Variants in ANKMY1 observed in about 807,000 individuals in gnomAD.
ANKMY1 encodes ankyrin repeat and MYND domain containing 1.
Under a neutral mutation model 102.0 loss-of-function variants are expected in ANKMY1, and 98 were observed. That is an observed-to-expected ratio of 0.96 (90% CI 0.82 to 1.14). The LOEUF (loss-of-function observed/expected upper bound fraction) is 1.14. Ranked by LOEUF, ANKMY1 falls within the 50% of genes most tolerant of loss-of-function variation. ANKMY1 has a pLI of 0.00. For missense variants in ANKMY1, 1,330 were observed against 1,347.6 expected, an observed-to-expected ratio of 0.99 and a Z score of 0.20; for synonymous variants, 582 against 559.9, an observed-to-expected ratio of 1.04 and a Z score of -0.56.
At chr2:240,548,052 C>T (rs914059662) in intron 4 of ANKMY1, among the ~76,000 whole-genome samples, 11 of 152,154 alleles carry the variant, frequency 7.2e-5, no homozygotes, top group Non-Finnish European at 8.8e-5. Flanking sequence ...CGGGCAGAGA[C>T]ACAACCAAAA....
intron 7 of ANKMY1, among the ~76,000 whole-genome samples, chr2:240,525,162 C>T (rs1247756767): frequency 6.6e-6 from 1 of 152,236 alleles, no homozygotes; most frequent in Non-Finnish European, 1.5e-5. Flanking sequence ...GCTACATAAA[C>T]TCCCAGTGTT....
chr2:240,483,668 C>A (rs115751056), intron 15 of ANKMY1, among the ~76,000 whole-genome samples: 118 of 152,324 alleles, frequency 7.7e-4, no homozygotes, highest in African/African-American at 2.8e-3. Flanking sequence ...CTTTACTCTT[C>A]CGCATCAAGT....
In ANKMY1 at chr2:240,520,236, C is replaced by G. The variant is rs1265876595; in HGVS notation, c.2004+126G>C. 1 of 1,404,386 alleles carries G rather than the reference C, an allele frequency of 7.1e-7. No homozygotes were observed. Among genetic ancestry groups the G allele is most frequent in the Non-Finnish European group, 9.8e-7 (1 of 1,019,532 alleles). The allele number at this position is 1,404,386 out of a possible 1,614,324, so 87.0% of individuals were successfully genotyped here. A position where few individuals can be genotyped will look rare whatever the true frequency, so the allele number is the denominator to read the frequency against. On this transcript the variant is annotated intron_variant, in intron 9 of 17. Transcript: ENST00000401804. This position sits in a 1 kb window ranked among gnomAD's most constrained non-coding sequence, Gnocchi z 4.8. ...CACTGCGGCGCGCCGTCATCACTCACAGCCCAGGTGGTCGCCTGCAAGAGC... is the reference window on the plus strand; with the variant it reads ...CACTGCGGCGCGCCGTCATCACTCAGAGCCCAGGTGGTCGCCTGCAAGAGC...
the ANKMY1 span, among the ~76,000 whole-genome samples, chr2:240,473,002 G>A: frequency 1.5e-5 from 1 of 66,748 alleles, no homozygotes; most frequent in Non-Finnish European, 2.9e-5. Context: ...GTGCATGCTT[G>A]TAATCCCACT....
chr2:240,561,031 C>T (rs1444108607), upstream of ANKMY1: 5 of 1,533,782 alleles, frequency 3.3e-6, no homozygotes, highest in Non-Finnish European at 4.3e-6. Flanking sequence ...GTCTGCACCG[C>T]GTACCTCATG....
chr2:240,500,037 G>A lies in ANKMY1; in HGVS notation c.2727C>T (p.Tyr909=). 1 of 1,613,050 alleles carries A rather than the reference G, an allele frequency of 6.2e-7. No homozygotes were observed. The change falls in exon 15 of 18, where the codon TAC becomes TAT. Residue 909 remains tyrosine, a synonymous_variant. Coordinates refer to ENST00000401804, the MANE Select transcript of ANKMY1 (RefSeq NM_001282771.3). ...CAGCCTGCCGTAGCTGCAAGCCCATGTACTCCAGGAGCCGCTTCCGCGCCA... is the reference window on the plus strand; with the variant it reads ...CAGCCTGCCGTAGCTGCAAGCCCATATACTCCAGGAGCCGCTTCCGCGCCA... The part of the protein sequence containing the change: ...TFLARKRLLE[Y]MGLQLRQAVF...
chr2:240,525,363 A>G (rs1461394345), intron 7 of ANKMY1, among the ~76,000 whole-genome samples: 1 of 152,222 alleles, frequency 6.6e-6, no homozygotes, highest in East Asian at 1.9e-4. Context: ...AGGCATGCAG[A>G]TTCTCAGCCC....
Position 240,529,243 on chromosome 2 carries a change from C to G in ANKMY1, c.747G>C (p.Leu249=). 1 of 1,614,200 alleles carries G rather than the reference C, an allele frequency of 6.2e-7. No homozygotes were observed. The highest frequency in any genetic ancestry group is 1.1e-5 in the South Asian group (1 of 91,086). The change falls in exon 5 of 18, where the codon CTG becomes CTC. Residue 249 remains leucine (L), a synonymous_variant. Transcript: ENST00000401804. This position sits in a 1 kb window ranked among gnomAD's most constrained non-coding sequence, Gnocchi z 4.2. ...PFFYDYKRFL[L]NDNLTLPPEM... ...CTGGAGGCAGCGTTAGGTTGTCATT[C>G]AGAAGAAACCGCTTATAGTCATAGA...
chr2:240,507,076 C>T lies in ANKMY1; in HGVS notation c.2526+484G>A, dbSNP rs140519520. Among the ~76,000 whole-genome samples, 406 of 152,096 alleles carry T rather than the reference C, an allele frequency of 2.7e-3. 1 individual carries two copies. The highest frequency in any genetic ancestry group is 4.4e-3 in the Non-Finnish European group (300 of 67,984). On this transcript the variant is annotated intron_variant, in intron 13 of 17. Coordinates refer to ENST00000401804, the MANE Select transcript of ANKMY1 (RefSeq NM_001282771.3). The stretch of plus-strand genomic sequence containing the variant: ...TGTCTATCCTGAATCTTGTTTTCAC[C>T]GAGACAAATTTCAGGGAACTTTTTT...
At chr2:240,501,772 G>A (rs776987638) in intron 13 of ANKMY1, among the ~76,000 whole-genome samples, 1 of 152,220 alleles carries the variant, frequency 6.6e-6, no homozygotes, top group Non-Finnish European at 1.5e-5. Flanking sequence ...TGGCCTGAAC[G>A]GCTGACTCCC....
chr2:240,500,674 G>A (rs1312364364), intron 13 of ANKMY1, 109 bp from the exon 14 acceptor site: 9 of 880,702 alleles, frequency 1.0e-5, no homozygotes, highest in East Asian at 2.6e-5. Flanking sequence ...CACCAAGGCC[G>A]CCCTTGCAGT....
intron 5 of ANKMY1, among the ~76,000 whole-genome samples, chr2:240,528,692 C>A (rs1019843707): frequency 2.0e-5 from 3 of 151,904 alleles, no homozygotes; most frequent in African/African-American, 7.3e-5. Context: ...CAGCCACATC[C>A]CCCCACCAGG....
At chr2:240,546,064 T>A (rs2090294763) in intron 4 of ANKMY1, among the ~76,000 whole-genome samples, 1 of 152,000 alleles carries the variant, frequency 6.6e-6, no homozygotes, top group Non-Finnish European at 1.5e-5. Flanking sequence ...ATTGTCAGAT[T>A]CACCAAAGTT....
At chr2:240,516,699 G>A (rs1575091959) in intron 9 of ANKMY1, among the ~76,000 whole-genome samples, 1 of 152,288 alleles carries the variant, frequency 6.6e-6, no homozygotes, top group East Asian at 1.9e-4. Context: ...TTACTTCTTT[G>A]GGGGAGTTCA....
intron 4 of ANKMY1, among the ~76,000 whole-genome samples, chr2:240,534,119 G>A (rs76459690): frequency 0.072 from 11,016 of 152,184 alleles, 451 homozygotes; most frequent in Middle Eastern, 0.2. Flanking sequence ...CCACCCACTC[G>A]TCACTTAAAC....
chr2:240,525,237 G>T (rs924742834), intron 7 of ANKMY1, among the ~76,000 whole-genome samples: 1 of 152,262 alleles, frequency 6.6e-6, no homozygotes. Context: ...CCCGATTAAA[G>T]CCTTCTTCCT....
chr2:240,542,943 A>T (rs1455090826), intron 4 of ANKMY1, among the ~76,000 whole-genome samples: 1 of 150,738 alleles, frequency 6.6e-6, no homozygotes, highest in African/African-American at 2.4e-5. Flanking sequence ...ACTTATAATT[A>T]CTTAATAAAA....
Position 240,520,613 on chromosome 2 carries a change from A to T in ANKMY1, c.1833-80T>A. 6.7e-7 allele frequency: 1 copy of T among 1,495,190 alleles called. No homozygotes were observed. Among genetic ancestry groups the T allele is most frequent in the Non-Finnish European group, 8.9e-7 (1 of 1,119,380 alleles). The allele number at this position is 1,495,190 out of a possible 1,614,324, so 92.6% of individuals were successfully genotyped here. On this transcript the variant is annotated intron_variant, in intron 8 of 17. Transcript: ENST00000401804. The surrounding 1 kb of genome is among the most constrained non-coding windows in gnomAD (Gnocchi z 4.8). ...CCAGAACGGGGCCATGCCAGCGAGGAGGCTGGGGAGGGGCGCGTAGGGAGT... is the reference window on the plus strand; with the variant it reads ...CCAGAACGGGGCCATGCCAGCGAGGTGGCTGGGGAGGGGCGCGTAGGGAGT...
rs1016235368 is a variant in ANKMY1, at chr2:240,526,066, G to A, written c.1170+163C>T. 9 of 1,001,690 alleles carry A rather than the reference G, an allele frequency of 9.0e-6. No individual in the cohort carries two copies. The East Asian group carries it at 1.3e-4, about 14-fold the overall frequency. The allele number at this position is 1,001,690 out of a possible 1,614,324, so 62.1% of individuals were successfully genotyped here. A position where few individuals can be genotyped will look rare whatever the true frequency, so the allele number is the denominator to read the frequency against. ...CACTGGACCACGAGTGTCACACTCA[G>A]CTGAGTGGGTTTCTGCTGAACGGCG... On this transcript the variant is annotated intron_variant, in intron 6 of 17. Coordinates refer to ENST00000401804, the MANE Select transcript of ANKMY1 (RefSeq NM_001282771.3).
Sources: gnomAD v4.1 joint callset for allele counts (sites outside exome capture counted in the v4.1 genomes callset) on GRCh38, gnomAD v4.1.1 for gene constraint, Gnocchi (gnomAD v3.1) non-coding constraint, MANE v1.5 for transcripts, NCBI Gene and HGNC (gene_info 2026-07-23, HGNC 2026-07-21) for gene names.